The following ACTR3C variants were observed in gnomAD, a reference collection of about 807,000 sequenced individuals.
The protein encoded by ACTR3C is actin related protein 3C.
Under a neutral mutation model 26.3 loss-of-function variants are expected in ACTR3C, and 18 were observed. The observed-to-expected ratio is 0.68, with a 90% CI of 0.47 to 1.01. The LOEUF is 1.01. Ranked by LOEUF, ACTR3C falls within the 50% of genes least tolerant of loss-of-function variation. The pLI, the probability that ACTR3C is intolerant of heterozygous loss-of-function variation, is 0.00. For missense variants in ACTR3C, 184 were observed against 250.7 expected, an observed-to-expected ratio of 0.73 and a Z score of 1.80; for synonymous variants, 55 against 94.5, an observed-to-expected ratio of 0.58 and a Z score of 2.42.
chr7:150,133,806 G>A, the ACTR3C span, among the ~76,000 whole-genome samples: 1 of 152,156 alleles, frequency 6.6e-6, no homozygotes, highest in African/African-American at 2.4e-5. Context: ...GGCACCATCA[G>A]GGCACACTGC....
chr7:149,941,658 G>T, the ACTR3C span, among the ~76,000 whole-genome samples: 5 of 152,166 alleles, frequency 3.3e-5, no homozygotes, highest in Admixed American at 3.3e-4. Flanking sequence ...TGCAGGTGGG[G>T]ACAAGGTTCT....
the ACTR3C span, among the ~76,000 whole-genome samples, chr7:150,028,848 C>T: frequency 1.3e-5 from 2 of 152,268 alleles, no homozygotes; most frequent in Non-Finnish European, 2.9e-5. Context: ...TTTCCCAATT[C>T]AGGTTACTTG....
the ACTR3C span, among the ~76,000 whole-genome samples, chr7:150,220,175 GCCC>G: frequency 2.0e-5 from 3 of 147,670 alleles, no homozygotes; most frequent in African/African-American, 8.1e-5. Flanking sequence ...GTCTCCACTC[GCCC>G]GCCAACTGTA....
At chr7:149,908,804 G>A in the ACTR3C span, among the ~76,000 whole-genome samples, 12 of 148,120 alleles carry the variant, frequency 8.1e-5, no homozygotes, top group African/African-American at 3.0e-4. Flanking sequence ...TTTTTGAGAC[G>A]GAGTTTCACT....
At chr7:150,170,224 A>G in the ACTR3C span, among the ~76,000 whole-genome samples, 14 of 150,426 alleles carry the variant, frequency 9.3e-5, no homozygotes, top group Non-Finnish European at 1.2e-4. Context: ...GCCCCTCCAC[A>G]GGGCAGCTTG....
chr7:150,041,671 G>T, the ACTR3C span, among the ~76,000 whole-genome samples: 674 of 142,852 alleles, frequency 4.7e-3, 23 homozygotes, highest in African/African-American at 0.017. Context: ...CAACAGCCGG[G>T]GGTGGAAGAG....
chr7:150,255,242 ATTT>A (rs745713614), intron 6 of ACTR3C, among the ~76,000 whole-genome samples: 2,158 of 85,664 alleles, frequency 0.025, 34 homozygotes, highest in African/African-American at 0.088. Context: ...TTTGTAGGGG[ATTT>A]TTTTTTTTTT....
the ACTR3C span, among the ~76,000 whole-genome samples, chr7:149,907,477 C>CTTCTCTTCTCTCTCT: frequency 2.3e-4 from 19 of 82,336 alleles, no homozygotes; most frequent in Admixed American, 1.4e-3. Flanking sequence ...CCTCTCTTCT[C>CTTCTCTTCTCTCTCT]TTCTCTCTCT....
the ACTR3C span, among the ~76,000 whole-genome samples, chr7:149,985,333 C>A: frequency 6.6e-6 from 1 of 151,324 alleles, no homozygotes; most frequent in Non-Finnish European, 1.5e-5. Context: ...AAATATTTTC[C>A]ATTAACCATT....
intron 1 of ACTR3C, among the ~76,000 whole-genome samples, chr7:150,319,030 C>A (rs150687997): frequency 6.8e-4 from 103 of 152,198 alleles, no homozygotes; most frequent in African/African-American, 2.0e-3. Context: ...TAGGAAGATA[C>A]CTGGGCTGTA....
At chr7:150,015,655 C>G in the ACTR3C span, among the ~76,000 whole-genome samples, 4 of 150,960 alleles carry the variant, frequency 2.6e-5, no homozygotes, top group Admixed American at 6.6e-5. Context: ...GCTATTACCA[C>G]GCTCTTGACG....
chr7:149,895,846 CTG>C, the ACTR3C span, among the ~76,000 whole-genome samples: 1 of 152,030 alleles, frequency 6.6e-6, no homozygotes, highest in African/African-American at 2.4e-5. Context: ...TTTTTAAAAA[CTG>C]TTTTTAATTA....
chr7:149,895,452 T>G, the ACTR3C span, among the ~76,000 whole-genome samples: 8 of 152,186 alleles, frequency 5.3e-5, no homozygotes, highest in African/African-American at 1.9e-4. Flanking sequence ...TTAGCTAGAT[T>G]TAACCATTCA....
At chr7:150,255,164 C>T (rs6975378) in intron 6 of ACTR3C, among the ~76,000 whole-genome samples, 6,748 of 148,346 alleles carry the variant, frequency 0.045, 511 homozygotes, top group African/African-American at 0.16. Context: ...ATTGCGTGTT[C>T]AATGGAAGGA....
At chr7:150,042,643 G>A in the ACTR3C span, among the ~76,000 whole-genome samples, 4 of 151,852 alleles carry the variant, frequency 2.6e-5, no homozygotes, top group Admixed American at 6.5e-5. Context: ...ATGGATCTCA[G>A]CCATCACAAA....
chr7:150,145,858 A>G, the ACTR3C span, among the ~76,000 whole-genome samples: 2 of 136,668 alleles, frequency 1.5e-5, no homozygotes, highest in African/African-American at 2.8e-5. Context: ...TTCATCATAA[A>G]TAAATATACT....
chr7:150,203,615 G>T, the ACTR3C span, among the ~76,000 whole-genome samples: 1 of 152,194 alleles, frequency 6.6e-6, no homozygotes, highest in South Asian at 2.1e-4. Context: ...GCCCAGGCTG[G>T]AGTGCAGTGG....
At chr7:150,014,963 T>C in the ACTR3C span, among the ~76,000 whole-genome samples, 1 of 152,182 alleles carries the variant, frequency 6.6e-6, no homozygotes, top group Non-Finnish European at 1.5e-5. Flanking sequence ...TTTCCCTGGA[T>C]TTTGTTTTCT....
chr7:149,959,224 C>A, the ACTR3C span, among the ~76,000 whole-genome samples: 2 of 16,044 alleles, frequency 1.2e-4, no homozygotes, highest in Non-Finnish European at 7.0e-4. Flanking sequence ...ATTAGCTCGC[C>A]CCCCACCCCC....
Sources: allele counts gnomAD v4.1 joint callset (sites outside exome capture counted in the v4.1 genomes callset), GRCh38; gene constraint gnomAD v4.1.1; transcripts MANE v1.5; gene names NCBI Gene and HGNC (gene_info 2026-07-23, HGNC 2026-07-21).